The following GRID1 variants were observed in gnomAD, a reference collection of about 807,000 sequenced individuals.
GRID1 encodes the protein glutamate ionotropic receptor delta type subunit 1, also known as glutamate receptor ionotropic, delta-1.
GRID1 carries 28 observed loss-of-function variants against 98.0 expected under a neutral mutation model. That is an observed-to-expected ratio of 0.29 (90% CI 0.21 to 0.39). The LOEUF (loss-of-function observed/expected upper bound fraction) is 0.39, where lower values mean the gene tolerates loss of function less well. GRID1 is among the 10% of genes least tolerant of loss of function. The pLI is 1.00. For missense variants in GRID1, 1,111 were observed against 1,340.5 expected, an observed-to-expected ratio of 0.83 and a Z score of 2.67; for synonymous variants, 553 against 538.5, an observed-to-expected ratio of 1.03 and a Z score of -0.37.
chr10:85,796,479 CA>C (rs1427441850), intron 8 of GRID1, among the ~76,000 whole-genome samples: 1 of 152,084 alleles, frequency 6.6e-6, no homozygotes, highest in East Asian at 1.9e-4. Context: ...TAAATGTCTC[CA>C]ACTTATGTAA....
chr10:86,205,350 G>A (rs1487457379), intron 3 of GRID1, among the ~76,000 whole-genome samples: 8 of 152,226 alleles, frequency 5.3e-5, no homozygotes, highest in African/African-American at 1.9e-4. Context: ...AACATGTTAT[G>A]GAGGTGGCTG....
intron 8 of GRID1, among the ~76,000 whole-genome samples, chr10:85,776,730 C>T (rs941375170): frequency 1.1e-4 from 17 of 152,306 alleles, no homozygotes; most frequent in Admixed American, 5.9e-4. Flanking sequence ...CCTCTGCCAA[C>T]GCAGAGGAGG....
intron 4 of GRID1, among the ~76,000 whole-genome samples, chr10:85,979,090 G>T (rs1055786551): frequency 2.6e-5 from 4 of 152,106 alleles, no homozygotes; most frequent in Admixed American, 1.3e-4. Context: ...GCATAATAAA[G>T]GCCAAGGACA....
intron 2 of GRID1, among the ~76,000 whole-genome samples, chr10:86,229,049 C>T (rs969229328): frequency 1.3e-5 from 2 of 152,246 alleles, no homozygotes; most frequent in African/African-American, 4.8e-5. Flanking sequence ...AGTGGGGCTC[C>T]GTGCCCTCCG....
intron 12 of GRID1, among the ~76,000 whole-genome samples, chr10:85,682,684 G>T (rs1326771879): frequency 6.6e-6 from 1 of 152,212 alleles, no homozygotes; most frequent in African/African-American, 2.4e-5. Flanking sequence ...CTAGGGTGTG[G>T]AGAGGAGATG....
chr10:85,774,608 T>C (rs946540178), intron 8 of GRID1, among the ~76,000 whole-genome samples: 4 of 151,996 alleles, frequency 2.6e-5, no homozygotes, highest in African/African-American at 9.7e-5. Flanking sequence ...GAATCTACAA[T>C]GAACTCAAAC....
chr10:85,913,527 C>T (rs1234781317), intron 5 of GRID1, among the ~76,000 whole-genome samples: 1 of 152,196 alleles, frequency 6.6e-6, no homozygotes, highest in African/African-American at 2.4e-5. Flanking sequence ...TGGTGGCTCA[C>T]GCCTGTATCC....
At chr10:86,363,647 C>CAGCCCGCGCTG (rs1848633727) in intron 2 of GRID1, among the ~76,000 whole-genome samples, 1 of 152,108 alleles carries the variant, frequency 6.6e-6, no homozygotes, top group African/African-American at 2.4e-5. Context: ...CACGCCTGCG[C>CAGCCCGCGCTG]GGCCAGCGCT....
intron 2 of GRID1, among the ~76,000 whole-genome samples, chr10:86,343,181 T>C (rs1240013828): frequency 2.6e-5 from 4 of 152,194 alleles, no homozygotes; most frequent in African/African-American, 9.7e-5. Flanking sequence ...TTCACCTTCT[T>C]CTAACAGAAC....
Position 86,026,331 on chromosome 10 carries a change from G to A in GRID1, c.727-110092C>T, listed in dbSNP as rs528192745. 3.3e-5 allele frequency among the ~76,000 whole-genome samples: 5 copies of A among 152,234 alleles called. No individual in the cohort carries two copies. The South Asian group carries it at 1.0e-3, about 32-fold the overall frequency. ...TGCTTGCTTTCTGCCACAACTTCAAGTGCACAGTGATCCTTTAACAGTTTG... is the reference window on the plus strand; with the variant it reads ...TGCTTGCTTTCTGCCACAACTTCAAATGCACAGTGATCCTTTAACAGTTTG... On this transcript the variant is annotated intron_variant, in intron 4 of 15. Transcript: ENST00000327946.
At chr10:86,208,637 C>T (rs1182772256) in intron 2 of GRID1, among the ~76,000 whole-genome samples, 4 of 152,202 alleles carry the variant, frequency 2.6e-5, no homozygotes, top group Admixed American at 6.5e-5. Flanking sequence ...GCATTATCCC[C>T]CTTCACTGCA....
At chr10:85,790,366 G>A (rs1303630167) in intron 8 of GRID1, among the ~76,000 whole-genome samples, 2 of 152,236 alleles carry the variant, frequency 1.3e-5, no homozygotes, top group Non-Finnish European at 2.9e-5. Context: ...TTGTCCTCAG[G>A]GGACCTGGCT....
chr10:85,752,890 A>G (rs1842061098), intron 8 of GRID1, among the ~76,000 whole-genome samples: 1 of 152,232 alleles, frequency 6.6e-6, no homozygotes, highest in African/African-American at 2.4e-5. Context: ...TATTATACAT[A>G]AATTCCCTAC....
At chr10:86,170,763 G>C (rs1845473450) in intron 3 of GRID1, among the ~76,000 whole-genome samples, 1 of 152,208 alleles carries the variant, frequency 6.6e-6, no homozygotes, top group Admixed American at 6.5e-5. Context: ...GTCCTTCTTG[G>C]GGATGTGTCA....
At chr10:85,808,059 T>C (rs1842638821) in intron 8 of GRID1, among the ~76,000 whole-genome samples, 1 of 152,094 alleles carries the variant, frequency 6.6e-6, no homozygotes. Context: ...AAATATATAA[T>C]AGAATCATAA....
At chr10:86,173,842 T>C (rs1845532026) in intron 3 of GRID1, among the ~76,000 whole-genome samples, 1 of 151,598 alleles carries the variant, frequency 6.6e-6, no homozygotes, top group Non-Finnish European at 1.5e-5. Context: ...TTTTTGTTCT[T>C]GTGATAGTTT....
chr10:85,844,420 TACACACACACACACACACACACACAC>T (rs55706189), intron 8 of GRID1, among the ~76,000 whole-genome samples: 1,797 of 133,860 alleles, frequency 0.013, 23 homozygotes, highest in Non-Finnish European at 0.017. Context: ...TACAACTAAA[TACACACACACACACACACACACACAC>T]ACACACACAC....
At chr10:86,042,244 C>T (rs1231462188) in intron 4 of GRID1, among the ~76,000 whole-genome samples, 4 of 152,202 alleles carry the variant, frequency 2.6e-5, no homozygotes, top group Non-Finnish European at 5.9e-5. Context: ...GGAGGTTTTT[C>T]TGTGTCCCTG....
chr10:86,055,878 A>G (rs1843565938), intron 4 of GRID1, among the ~76,000 whole-genome samples: 1 of 152,104 alleles, frequency 6.6e-6, no homozygotes, highest in South Asian at 2.1e-4. Context: ...TCTGCAAGCC[A>G]GAAAAAGAGC....
Sources: allele counts gnomAD v4.1 joint callset (sites outside exome capture counted in the v4.1 genomes callset), GRCh38; gene constraint gnomAD v4.1.1; transcripts MANE v1.5; gene names NCBI Gene and HGNC (gene_info 2026-07-23, HGNC 2026-07-21).